LIMCH1: variants seen among roughly 807,000 people sequenced by gnomAD.
LIMCH1 encodes the protein LIM and calponin homology domains-containing protein 1.
LIMCH1 carries 113 observed loss-of-function variants against 176.5 expected under a neutral mutation model. The observed-to-expected ratio is 0.64, with a 90% CI of 0.55 to 0.75. LIMCH1 has a LOEUF of 0.75. LIMCH1 is among the 30% of genes least tolerant of loss of function. The probability of loss-of-function intolerance (pLI) is 0.00; values close to 1 mark genes in which losing one functional copy is unlikely to be tolerated. For missense variants in LIMCH1, 1,674 were observed against 1,814.9 expected (o/e 0.92, Z 1.41); for synonymous variants, 619 against 645.9 (o/e 0.96, Z 0.63).
Position 41,699,321 on chromosome 4 carries a change from G to A in LIMCH1, c.*2136G>A, listed in dbSNP as rs939697657. On this transcript the variant is annotated 3_prime_UTR_variant, in exon 32 of 32. Coordinates refer to ENST00000503057, the MANE Select transcript of LIMCH1 (RefSeq NM_001330672.2). ...TTGTACATGTATTGAAGCTAGAATC[G>A]AGTCAAGAAAAATAAAGCCCCATTC... The A allele has an allele frequency of 2.6e-5, 4 of 152,104 alleles. No homozygotes were observed. Among genetic ancestry groups the A allele is most frequent in the African/African-American group, 4.8e-5 (2 of 41,492 alleles). 9.4% of individuals were successfully genotyped at this position (152,104 alleles called of 1,614,324 possible). A position where few individuals can be genotyped will look rare whatever the true frequency, so the allele number is the denominator to read the frequency against.
intron 1 of LIMCH1, among the ~76,000 whole-genome samples, chr4:41,409,414 C>T (rs985007521): frequency 2.0e-5 from 3 of 152,028 alleles, no homozygotes; most frequent in African/African-American, 4.8e-5. Flanking sequence ...ACTATTAACA[C>T]TATGACATTT....
chr4:41,683,249 T>C (rs1046747890), intron 26 of LIMCH1, among the ~76,000 whole-genome samples: 1 of 152,146 alleles, frequency 6.6e-6, no homozygotes, highest in Non-Finnish European at 1.5e-5. Flanking sequence ...TAACTGGTTA[T>C]GGGTAGTCTC....
At chr4:41,517,568 C>T (rs892175515) in intron 2 of LIMCH1, among the ~76,000 whole-genome samples, 1 of 152,130 alleles carries the variant, frequency 6.6e-6, no homozygotes, top group Non-Finnish European at 1.5e-5. Flanking sequence ...GCATAGCATC[C>T]CACAAGCATT....
intron 5 of LIMCH1, among the ~76,000 whole-genome samples, chr4:41,613,994 A>G (rs2091775046): frequency 6.6e-6 from 1 of 152,210 alleles, no homozygotes; most frequent in Non-Finnish European, 1.5e-5. Context: ...GGAGGTTTAT[A>G]TACTCTGGGC....
intron 1 of LIMCH1, among the ~76,000 whole-genome samples, chr4:41,548,020 A>G (rs370983118): frequency 1.6e-3 from 244 of 151,512 alleles, no homozygotes; most frequent in African/African-American, 5.6e-3. Context: ...CATCTATTAA[A>G]TAGCATAGTA....
intron 2 of LIMCH1, among the ~76,000 whole-genome samples, chr4:41,501,082 GGGAGTTCAGGTAAGAACTCTGCACA>G (rs1425459025): frequency 1.3e-5 from 2 of 152,126 alleles, no homozygotes; most frequent in Non-Finnish European, 2.9e-5. Flanking sequence ...GAGGTCACTG[GGGAGTTCAGGTAAGAACTCTGCACA>G]AGAAAGACCA....
At chr4:41,551,097 T>G (rs1005398293) in intron 1 of LIMCH1, 11 of 152,210 alleles carry the variant, frequency 7.2e-5, no homozygotes, top group Admixed American at 7.2e-4. Context: ...TTCAGAATGT[T>G]TCTTCTATCT....
chr4:41,601,411 A>G (rs900014058), intron 2 of LIMCH1, among the ~76,000 whole-genome samples: 5 of 152,182 alleles, frequency 3.3e-5, no homozygotes, highest in Non-Finnish European at 7.3e-5. Flanking sequence ...GGGGGCTGAG[A>G]CACAAATAGG....
intron 1 of LIMCH1, among the ~76,000 whole-genome samples, chr4:41,426,531 T>C (rs904930205): frequency 6.6e-6 from 1 of 152,266 alleles, no homozygotes; most frequent in Non-Finnish European, 1.5e-5. Context: ...GTAATTCAGA[T>C]AACTCAGTCC....
intron 7 of LIMCH1, among the ~76,000 whole-genome samples, chr4:41,626,071 A>G (rs528893548): frequency 5.9e-5 from 9 of 152,274 alleles, no homozygotes; most frequent in African/African-American, 1.9e-4. Flanking sequence ...AAGAGGGAAG[A>G]AAGAGTTGCT....
intron 2 of LIMCH1, among the ~76,000 whole-genome samples, chr4:41,521,383 C>T (rs1303262889): frequency 6.6e-6 from 1 of 152,130 alleles, no homozygotes; most frequent in African/African-American, 2.4e-5. Context: ...GGAAATAATG[C>T]ACCTCAGAAG....
At chr4:41,385,946 A>G (rs2154106717) in intron 1 of LIMCH1, 1 of 152,362 alleles carries the variant, frequency 6.6e-6, no homozygotes, top group East Asian at 1.9e-4. Flanking sequence ...TGGTGGGGGA[A>G]GGTTCTTAAG....
At chr4:41,517,143 A>G (rs1583395817) in intron 2 of LIMCH1, among the ~76,000 whole-genome samples, 2 of 152,144 alleles carry the variant, frequency 1.3e-5, no homozygotes, top group Non-Finnish European at 2.9e-5. Context: ...TCAACATACA[A>G]CTTCCGAGGA....
chr4:41,622,117 T>C (rs889380568), intron 7 of LIMCH1, among the ~76,000 whole-genome samples: 2 of 152,224 alleles, frequency 1.3e-5, no homozygotes, highest in African/African-American at 4.8e-5. Context: ...TCTCTGAGTT[T>C]ATTAAATAAA....
At chr4:41,476,745 A>AT (rs1395265274) in intron 1 of LIMCH1, among the ~76,000 whole-genome samples, 2 of 152,086 alleles carry the variant, frequency 1.3e-5, no homozygotes, top group Non-Finnish European at 2.9e-5. Context: ...ATGGATATGT[A>AT]TTTTCATTCC....
chr4:41,627,038 G>A (rs933245242), intron 8 of LIMCH1, 28 bp downstream of exon 8: 129 of 1,517,386 alleles, frequency 8.5e-5, no homozygotes, highest in Non-Finnish European at 1.1e-4. Context: ...GTGTGTGTGT[G>A]TGTGTGTGTG....
At chr4:41,690,551 G>T (rs1724730995) in intron 30 of LIMCH1, among the ~76,000 whole-genome samples, 1 of 152,108 alleles carries the variant, frequency 6.6e-6, no homozygotes, top group African/African-American at 2.4e-5. Flanking sequence ...TAATTTCTTG[G>T]TCTGCATAAT....
intron 1 of LIMCH1, among the ~76,000 whole-genome samples, chr4:41,564,304 G>A (rs1163300901): frequency 6.6e-6 from 1 of 152,098 alleles, no homozygotes; most frequent in African/African-American, 2.4e-5. Flanking sequence ...TTGCTCTGGC[G>A]GCAGAAGAGA....
intron 1 of LIMCH1, among the ~76,000 whole-genome samples, chr4:41,560,197 T>C (rs1402567330): frequency 6.6e-6 from 1 of 152,138 alleles, no homozygotes; most frequent in Non-Finnish European, 1.5e-5. Context: ...CACCCCTCCA[T>C]CTAGTTGTTC....
Sources: gnomAD v4.1 joint callset for allele counts (sites outside exome capture counted in the v4.1 genomes callset) on GRCh38, gnomAD v4.1.1 for gene constraint, MANE v1.5 for transcripts, NCBI Gene and HGNC (gene_info 2026-07-23, HGNC 2026-07-21) for gene names.